PCSK5: variants seen among roughly 807,000 people sequenced by gnomAD.
PCSK5 encodes prohormone convertase 5.
In PCSK5, 129 loss-of-function variants were observed where a neutral mutation model predicts 233.2. The ratio of observed to expected loss-of-function variants is 0.55; its 90% CI spans 0.48 to 0.64. The LOEUF is 0.64. Among genes scored for constraint, PCSK5 ranks in the 30% least tolerant of loss-of-function variants. The pLI is 0.00. For missense variants in PCSK5, 2,076 were observed against 2,430.1 expected (o/e 0.85, Z 3.06); for synonymous variants, 825 against 879.2 (o/e 0.94, Z 1.09).
intron 2 of PCSK5, among the ~76,000 whole-genome samples, chr9:75,942,028 C>A (rs1471777082): frequency 6.6e-6 from 1 of 152,228 alleles, no homozygotes; most frequent in Non-Finnish European, 1.5e-5. Context: ...TACTTCACTT[C>A]AAAAGGTCAT....
chr9:76,240,345 T>C (rs974866052), intron 23 of PCSK5, among the ~76,000 whole-genome samples: 3 of 152,176 alleles, frequency 2.0e-5, no homozygotes, highest in African/African-American at 7.2e-5. Context: ...CTTTAATAAA[T>C]AAAATCAATG....
At chr9:75,912,810 G>C (rs1822806931) in intron 1 of PCSK5, among the ~76,000 whole-genome samples, 1 of 152,162 alleles carries the variant, frequency 6.6e-6, no homozygotes. Context: ...TCAGTCATCT[G>C]AATATCGTTT....
At chr9:76,149,075 A>G (rs532579502) in intron 10 of PCSK5, among the ~76,000 whole-genome samples, 1 of 152,350 alleles carries the variant, frequency 6.6e-6, no homozygotes, top group African/African-American at 2.4e-5. Context: ...GTAATGGCTT[A>G]CTTTTCGTAA....
At chr9:76,098,734 G>T (rs1831637210) in intron 8 of PCSK5, among the ~76,000 whole-genome samples, 1 of 152,186 alleles carries the variant, frequency 6.6e-6, no homozygotes, top group South Asian at 2.1e-4. Flanking sequence ...TAGTCTCATG[G>T]TAAAAATATC....
At position 76,184,708 on chromosome 9, in the gene PCSK5, A is replaced by G; in HGVS notation, c.2233A>G (p.Lys745Glu). The G allele has an allele frequency of 6.2e-7, 1 of 1,612,080 alleles. No individual in the cohort carries two copies. The change falls in exon 17 of 38, where the codon AAG becomes GAG. Residue 745 changes from lysine to glutamate, a missense_variant. Coordinates refer to ENST00000674117, the MANE Select transcript of PCSK5 (RefSeq NM_001372043.1). ...NLCRKCSENCKTCTEFHNCTE... is the reference protein window; with the variant it reads ...NLCRKCSENCETCTEFHNCTE... The stretch of plus-strand genomic sequence containing the variant: ...TTGCCGGAAATGCAGTGAAAACTGC[A>G]AGACATGTACTGAATTCCATAACTG...
intron 3 of PCSK5, among the ~76,000 whole-genome samples, chr9:75,994,400 CTTTTTTT>C (rs550518074): frequency 3.7e-5 from 3 of 82,058 alleles, no homozygotes; most frequent in African/African-American, 1.2e-4. Flanking sequence ...TTCTTTCTTT[CTTTTTTT>C]TTTTTTTTTT....
intron 7 of PCSK5, among the ~76,000 whole-genome samples, chr9:76,074,322 A>G (rs10781331): frequency 0.7 from 106,465 of 152,124 alleles, 37,695 homozygotes; most frequent in African/African-American, 0.8. Flanking sequence ...TTAATTCAAC[A>G]TTCCATTGAA....
intron 34 of PCSK5, among the ~76,000 whole-genome samples, chr9:76,335,457 G>T (rs975780757): frequency 1.1e-4 from 17 of 152,270 alleles, no homozygotes; most frequent in Admixed American, 7.2e-4. Flanking sequence ...TGGAAAAGTA[G>T]GCATACACTT....
At chr9:76,178,442 A>G (rs948004683) in intron 14 of PCSK5, among the ~76,000 whole-genome samples, 9 of 152,164 alleles carry the variant, frequency 5.9e-5, no homozygotes, top group Non-Finnish European at 1.2e-4. Flanking sequence ...TCTCCTCACC[A>G]TGTGATACTG....
intron 4 of PCSK5, 101 bp downstream of exon 4, chr9:76,023,982 C>T (rs922846043): frequency 1.2e-5 from 12 of 987,630 alleles, no homozygotes; most frequent in South Asian, 1.9e-5. Context: ...AATGTAGCAA[C>T]GTACAATAGG....
intron 12 of PCSK5, among the ~76,000 whole-genome samples, chr9:76,160,297 C>T (rs1822797682): frequency 6.6e-6 from 1 of 152,152 alleles, no homozygotes; most frequent in South Asian, 2.1e-4. Context: ...GCTCCCTTGG[C>T]TTTTTGAGTG....
chr9:76,021,168 AAT>A (rs1197221874), intron 3 of PCSK5, among the ~76,000 whole-genome samples: 1 of 152,194 alleles, frequency 6.6e-6, no homozygotes, highest in Non-Finnish European at 1.5e-5. Flanking sequence ...ATAATTAGCC[AAT>A]ATTTTTGAAA....
intron 3 of PCSK5, among the ~76,000 whole-genome samples, chr9:76,007,428 T>C (rs1827524587): frequency 6.6e-6 from 1 of 152,206 alleles, no homozygotes; most frequent in Admixed American, 6.5e-5. Flanking sequence ...TTTTATTTTC[T>C]TAGATCATTA....
intron 7 of PCSK5, among the ~76,000 whole-genome samples, chr9:76,077,092 G>A (rs1319284751): frequency 6.6e-6 from 1 of 152,084 alleles, no homozygotes; most frequent in Non-Finnish European, 1.5e-5. Flanking sequence ...CAAAACATAG[G>A]CTTCAAAGAA....
intron 20 of PCSK5, 73 bp from the exon 21 acceptor site, chr9:76,227,430 C>A: frequency 2.0e-6 from 2 of 1,023,428 alleles, no homozygotes; most frequent in Non-Finnish European, 3.0e-6. Context: ...AGAGATCTGG[C>A]TGCTCTCAGA....
intron 9 of PCSK5, among the ~76,000 whole-genome samples, chr9:76,110,010 G>C (rs1294309866): frequency 6.6e-6 from 1 of 152,126 alleles, no homozygotes; most frequent in Non-Finnish European, 1.5e-5. Context: ...TTGTATATGT[G>C]CCTCACTCAT....
chr9:76,310,914 A>C, intron 30 of PCSK5, 63 bp downstream of exon 30: 1 of 1,105,926 alleles, frequency 9.0e-7, no homozygotes, highest in Non-Finnish European at 1.3e-6. Flanking sequence ...CTTTGGGAGC[A>C]ATTCTTTCTT....
At chr9:76,275,138 A>G (rs575690059) in intron 24 of PCSK5, among the ~76,000 whole-genome samples, 2 of 152,266 alleles carry the variant, frequency 1.3e-5, no homozygotes, top group Admixed American at 1.3e-4. Flanking sequence ...TTGTTTTTAT[A>G]CCTATTTGAA....
chr9:75,972,515 G>A (rs1456638367), intron 2 of PCSK5, among the ~76,000 whole-genome samples: 2 of 152,176 alleles, frequency 1.3e-5, no homozygotes, highest in Non-Finnish European at 1.5e-5. Flanking sequence ...CCATGAGCAT[G>A]GAATGTTTTT....
Sources: gnomAD v4.1 joint callset for allele counts (sites outside exome capture counted in the v4.1 genomes callset) on GRCh38, gnomAD v4.1.1 for gene constraint, MANE v1.5 for transcripts, NCBI Gene and HGNC (gene_info 2026-07-23, HGNC 2026-07-21) for gene names.